Variants in SHROOM1 observed in about 807,000 individuals in gnomAD.
SHROOM1 encodes the protein protein Shroom1.
Under a neutral mutation model 64.2 loss-of-function variants are expected in SHROOM1, and 53 were observed. That is an observed-to-expected ratio of 0.83 (90% confidence interval 0.66 to 1.04). SHROOM1 has a LOEUF of 1.04. SHROOM1 is among the 50% of genes least tolerant of loss of function. SHROOM1 has a pLI of 0.00. For synonymous variants in SHROOM1, 490 were observed against 518.9 expected (o/e 0.94, Z 0.76); for missense variants, 1,179 against 1,163.2 (o/e 1.01, Z -0.20).
Position 132,822,499 on chromosome 5 carries a change from C to A in SHROOM1, c.*297G>T. ...CTGCCTCAGCCTTCCGAGTAGCTGGCAATACAGGCACCCGCCACCACGCCC... is the reference window on the plus strand; with the variant it reads ...CTGCCTCAGCCTTCCGAGTAGCTGGAAATACAGGCACCCGCCACCACGCCC... On this transcript the variant is annotated 3_prime_UTR_variant, in exon 10 of 10. Transcript: ENST00000378679. 3.8e-6 allele frequency: 1 copy of A among 263,678 alleles called. No individual in the cohort carries two copies. The highest frequency in any genetic ancestry group is 7.2e-6 in the Non-Finnish European group (1 of 138,348). The allele number at this position is 263,678 out of a possible 1,614,324, so 16.3% of individuals were successfully genotyped here.
chr5:132,829,140 A>C (rs867062773), intron 1 of SHROOM1, among the ~76,000 whole-genome samples: 6 of 152,180 alleles, frequency 3.9e-5, no homozygotes, highest in South Asian at 4.1e-4. Flanking sequence ...GGAGCAACCT[A>C]GACTCCCCGC....
At chr5:132,829,799 C>T (rs1758796508) in intron 1 of SHROOM1, 2 of 985,360 alleles carry the variant, frequency 2.0e-6, no homozygotes, top group Non-Finnish European at 2.4e-6. Context: ...CTGGGAAGTT[C>T]ACCGGCTCTC....
In SHROOM1 at chr5:132,825,202, AC is replaced by A. The variant is rs753188792; in HGVS notation, c.938del (p.Gly313ValfsTer42). On this transcript the variant is annotated frameshift_variant, in exon 4 of 10. Transcript: ENST00000378679. LOFTEE classifies it high-confidence loss of function. The surrounding 1 kb of genome is among the most constrained non-coding windows in gnomAD (Gnocchi z 5.1). ...TGGTCCCTCCTGATCCTCCCCAGGA[AC>A]CCAAGACTTCGCCTGAAGCGCTCCG... ...RSRSASGEVL[G>X]SWGGSGGTIP... The A allele has an allele frequency of 6.2e-7, 1 of 1,614,074 alleles. No individual in the cohort carries two copies. Among genetic ancestry groups the A allele is most frequent in the South Asian group, 1.1e-5 (1 of 91,076 alleles).
At chr5:132,826,236 C>CT in intron 3 of SHROOM1, 41 bp downstream of exon 3, 3 of 1,261,820 alleles carry the variant, frequency 2.4e-6, no homozygotes, top group Non-Finnish European at 3.0e-6. Flanking sequence ...AGGGCTGGGA[C>CT]AGCCTGCTGG....
rs1002814700 is a variant in SHROOM1, at chr5:132,824,403, G to T, written c.1258C>A (p.Gln420Lys). ...TGGCCTAAGCCAGTTCCATACGGCTGGTCAGAGGCATGGACACTGGAAGCA... is the reference window on the plus strand; with the variant it reads ...TGGCCTAAGCCAGTTCCATACGGCTTGTCAGAGGCATGGACACTGGAAGCA... The part of the protein sequence containing the change: ...GPPASVHASD[Q>K]PYGTGLGQRT... The change falls in exon 7 of 10, where the codon CAG becomes AAG. Residue 420 changes from glutamine to lysine, a missense_variant. Coordinates refer to ENST00000378679, the MANE Select transcript of SHROOM1 (RefSeq NM_001172700.2). The T allele has an allele frequency of 1.3e-6, 2 of 1,545,068 alleles. No individual in the cohort carries two copies. The highest frequency in any genetic ancestry group is 1.4e-5 in the African/African-American group (1 of 72,862).
Position 132,825,836 on chromosome 5 carries a change from C to T in SHROOM1, c.305G>A (p.Gly102Glu). 7.9e-7 allele frequency: 1 copy of T among 1,268,680 alleles called. No individual in the cohort carries two copies. The allele number at this position is 1,268,680 out of a possible 1,614,324, so 78.6% of individuals were successfully genotyped here. A position where few individuals can be genotyped will look rare whatever the true frequency, so the allele number is the denominator to read the frequency against. ...CTGCCTGTTCAGTGGTCCCGGGGTC[C>T]CCGGGACCTCTGTTGGCTGCGGCCC... Reference protein sequence around the residue: ...RSGPQPTEVPGTPGPLNRQAT... With the variant: ...RSGPQPTEVPETPGPLNRQAT... Residue 102 changes from glycine (G) to glutamate (E), a missense_variant, in exon 4 of 10, where the codon GGG becomes GAG. Coordinates refer to ENST00000378679, the MANE Select transcript of SHROOM1 (RefSeq NM_001172700.2). This position sits in a 1 kb window ranked among gnomAD's most constrained non-coding sequence, Gnocchi z 5.1.
In SHROOM1 at chr5:132,825,453, C is replaced by T. The variant is rs768423049; in HGVS notation, c.688G>A (p.Asp230Asn). 10 of 1,580,794 alleles carry T rather than the reference C, an allele frequency of 6.3e-6. 1 individual carries two copies. The South Asian group carries it at 8.9e-5, about 14-fold the overall frequency. The change falls in exon 4 of 10, where the codon GAT (aspartate) becomes AAT (asparagine). Residue 230 changes from aspartate to asparagine, a missense_variant. By Grantham distance (23) the Asp-to-Asn change is conservative. Coordinates refer to ENST00000378679, the MANE Select transcript of SHROOM1 (RefSeq NM_001172700.2). This position sits in a 1 kb window ranked among gnomAD's most constrained non-coding sequence, Gnocchi z 5.1. ...GGCCCACCGCCCCGACCCACACGAT[C>T]CAGCTTTCCTGGCTCTGAGAAGCAC... The part of the protein sequence containing the change: ...KWCFSEPGKL[D>N]RVGRGGGPAR...
In SHROOM1 at chr5:132,825,828, C is replaced by G. The variant is rs1758671288; in HGVS notation, c.313G>C (p.Gly105Arg). Residue 105 changes from glycine (G) to arginine (R), a missense_variant, in exon 4 of 10, where the codon GGA becomes CGA. Coordinates refer to ENST00000378679, the MANE Select transcript of SHROOM1 (RefSeq NM_001172700.2). The surrounding 1 kb of genome is among the most constrained non-coding windows in gnomAD (Gnocchi z 5.1). ...PQPTEVPGTPGPLNRQATPLL... is the reference protein window; with the variant it reads ...PQPTEVPGTPRPLNRQATPLL... ...GGGGTGGCCTGCCTGTTCAGTGGTCCCGGGGTCCCCGGGACCTCTGTTGGC... is the reference window on the plus strand; with the variant it reads ...GGGGTGGCCTGCCTGTTCAGTGGTCGCGGGGTCCCCGGGACCTCTGTTGGC... 7.9e-7 allele frequency: 1 copy of G among 1,262,492 alleles called. No homozygotes were observed. Among genetic ancestry groups the G allele is most frequent in the Admixed American group, 4.2e-5 (1 of 23,682 alleles). 78.2% of individuals were successfully genotyped at this position (1,262,492 alleles called of 1,614,324 possible). A position where few individuals can be genotyped will look rare whatever the true frequency, so the allele number is the denominator to read the frequency against.
chr5:132,822,960 C>T lies in SHROOM1; in HGVS notation c.2395G>A (p.Val799Ile), dbSNP rs1385620180. Residue 799 changes from valine to isoleucine, a missense_variant, in exon 10 of 10, where the codon GTC becomes ATC. Val to Ile is a conservative substitution (Grantham distance 29). Coordinates refer to ENST00000378679, the MANE Select transcript of SHROOM1 (RefSeq NM_001172700.2). ...TCCAGGTTGCGCTGCTGGGCCAGGACGGCGGCCTTGCCCGCCAGCAGGGCG... is the reference window on the plus strand; with the variant it reads ...TCCAGGTTGCGCTGCTGGGCCAGGATGGCGGCCTTGCCCGCCAGCAGGGCG... Reference protein sequence around the residue: ...YCALLAGKAAVLAQQRNLDER... With the variant: ...YCALLAGKAAILAQQRNLDER... 4 of 1,610,944 alleles carry T rather than the reference C, an allele frequency of 2.5e-6. No individual in the cohort carries two copies. The South Asian group carries it at 3.3e-5, about 13-fold the overall frequency.
chr5:132,830,579 G>GC lies in SHROOM1; in HGVS notation c.-501+14dup. 1 of 985,074 alleles carries GC rather than the reference G, an allele frequency of 1.0e-6. No individual in the cohort carries two copies. Among genetic ancestry groups the GC allele is most frequent in the Non-Finnish European group, 1.2e-6 (1 of 829,774 alleles). The allele number at this position is 985,074 out of a possible 1,614,324, so 61.0% of individuals were successfully genotyped here. A position where few individuals can be genotyped will look rare whatever the true frequency, so the allele number is the denominator to read the frequency against. On this transcript the variant is annotated intron_variant, in intron 1 of 9. Coordinates refer to ENST00000378679, the MANE Select transcript of SHROOM1 (RefSeq NM_001172700.2). This position sits in a 1 kb window ranked among gnomAD's most constrained non-coding sequence, Gnocchi z 5.9. ...CCAGCCGCCCGCTTCCCGCTCCCCCGCCCCCGCCGCGTACCTGAGGCTCCC... is the reference window on the plus strand; with the variant it reads ...CCAGCCGCCCGCTTCCCGCTCCCCCGCCCCCCGCCGCGTACCTGAGGCTCCC...
chr5:132,823,506 CG>C lies in SHROOM1; in HGVS notation c.1969del (p.Arg657AlafsTer53), dbSNP rs756352274. The C allele has an allele frequency of 1.9e-5, 31 of 1,600,688 alleles. No individual in the cohort carries two copies. Among genetic ancestry groups the C allele is most frequent in the Admixed American group, 1.7e-5 (1 of 59,630 alleles). ...IQGKKVELAA[R>X]LQKMLQDLHT... is the part of the protein sequence containing the mutation. The stretch of plus-strand genomic sequence containing the variant: ...AAGGTCCTGAAGCATCTTTTGGAGG[CG>C]GGCGGCCAGCTCCACCTACAGGGAA... On this transcript the variant is annotated frameshift_variant, in exon 9 of 10. Transcript: ENST00000378679. LOFTEE classifies it high-confidence loss of function. The surrounding 1 kb of genome is among the most constrained non-coding windows in gnomAD (Gnocchi z 4.6).
chr5:132,825,837 C>CCGGGACGGGTCCT lies in SHROOM1; in HGVS notation c.303_304insAGGACCCGTCCCG (p.Gly102ArgfsTer148). Reference sequence around the variant, plus strand: ...TGCCTGTTCAGTGGTCCCGGGGTCCCCGGGACCTCTGTTGGCTGCGGCCCA... The same window carrying CCGGGACGGGTCCT: ...TGCCTGTTCAGTGGTCCCGGGGTCCCCGGGACGGGTCCTCGGGACCTCTGTTGGCTGCGGCCCA... On this transcript the variant is annotated frameshift_variant, in exon 4 of 10. Transcript: ENST00000378679. LOFTEE classifies it high-confidence loss of function. The surrounding 1 kb of genome is among the most constrained non-coding windows in gnomAD (Gnocchi z 5.1). 1 of 1,269,244 alleles carries CCGGGACGGGTCCT rather than the reference C, an allele frequency of 7.9e-7. No homozygotes were observed. The highest frequency in any genetic ancestry group is 3.2e-5 in the East Asian group (1 of 31,678). 78.6% of individuals were successfully genotyped at this position (1,269,244 alleles called of 1,614,324 possible). A position where few individuals can be genotyped will look rare whatever the true frequency, so the allele number is the denominator to read the frequency against.
chr5:132,823,674 C>T lies in SHROOM1; in HGVS notation c.1902G>A (p.Gln634=). 2 of 1,611,216 alleles carry T rather than the reference C, an allele frequency of 1.2e-6. No individual in the cohort carries two copies. Among genetic ancestry groups the T allele is most frequent in the Non-Finnish European group, 8.5e-7 (1 of 1,178,682 alleles). The change falls in exon 8 of 10, where the codon CAG becomes CAA. Residue 634 remains glutamine, a synonymous_variant. Transcript: ENST00000378679. This position sits in a 1 kb window ranked among gnomAD's most constrained non-coding sequence, Gnocchi z 4.6. ...ENPATHPVLD[Q]PCGQGLPAPN... is the part of the protein sequence containing the mutation. ...GTGCAGGGAGCCCCTGCCCACATGG[C>T]TGGTCAAGCACAGGGTGGGTGGCAG...
Position 132,825,925 on chromosome 5 carries a change from G to GGGGCCC in SHROOM1, c.210_215dup (p.Gly71_Pro72dup), listed in dbSNP as rs1758678027. The stretch of plus-strand genomic sequence containing the variant: ...TGCAAAGGGCAGCGTCGGGCGGGGC[G>GGGGCCC]GGGCCCGGGCCGCCCCAAACCACAC... On this transcript the variant is annotated inframe_insertion, in exon 4 of 10. Coordinates refer to ENST00000378679, the MANE Select transcript of SHROOM1 (RefSeq NM_001172700.2). This position sits in a 1 kb window ranked among gnomAD's most constrained non-coding sequence, Gnocchi z 5.1. 1.5e-6 allele frequency: 2 copies of GGGGCCC among 1,374,126 alleles called. No homozygotes were observed. The highest frequency in any genetic ancestry group is 7.3e-5 in the Admixed American group (2 of 27,552). The allele number at this position is 1,374,126 out of a possible 1,614,324, so 85.1% of individuals were successfully genotyped here.
chr5:132,825,419 T>C lies in SHROOM1; in HGVS notation c.722A>G (p.Glu241Gly). 6.3e-7 allele frequency: 1 copy of C among 1,593,138 alleles called. No individual in the cohort carries two copies. The highest frequency in any genetic ancestry group is 8.5e-7 in the Non-Finnish European group (1 of 1,176,606). ...RVGRGGGPAR[E>G]CLGEACSSSG... is the part of the protein sequence containing the mutation. ...GCTGGAGCAGGCCTCACCCAGGCAT[T>C]CCCGCGCCGGCCCACCGCCCCGACC... Residue 241 changes from glutamate to glycine, a missense_variant, in exon 4 of 10, where the codon GAA becomes GGA. Transcript: ENST00000378679. This position sits in a 1 kb window ranked among gnomAD's most constrained non-coding sequence, Gnocchi z 5.1.
At chr5:132,827,863 C>G (rs1490239511) in intron 1 of SHROOM1, among the ~76,000 whole-genome samples, 1 of 152,144 alleles carries the variant, frequency 6.6e-6, no homozygotes, top group Non-Finnish European at 1.5e-5. Context: ...ACGAACAGAG[C>G]AGGCAAGCAC....
chr5:132,829,093 C>T (rs1395960342), intron 1 of SHROOM1, among the ~76,000 whole-genome samples: 1 of 152,204 alleles, frequency 6.6e-6, no homozygotes, highest in Admixed American at 6.5e-5. Context: ...GCTCAAGGAG[C>T]TCTGCAGGCA....
intron 1 of SHROOM1, chr5:132,829,655 G>C: frequency 2.0e-6 from 2 of 985,404 alleles, no homozygotes; most frequent in Non-Finnish European, 1.2e-6. Flanking sequence ...TATCCAGGCC[G>C]CCCCTCCCAG....
rs564520075 is a variant in SHROOM1, at chr5:132,830,359, C to T, written c.-501+235G>A. Reference sequence around the variant, plus strand: ...AGCCGCGCCGCCAGCTTAGAGTGGGCCGCCTCTCCGCCCTGCAGCTCTGCA... The same window carrying T: ...AGCCGCGCCGCCAGCTTAGAGTGGGTCGCCTCTCCGCCCTGCAGCTCTGCA... On this transcript the variant is annotated intron_variant, in intron 1 of 9. Transcript: ENST00000378679. The surrounding 1 kb of genome is among the most constrained non-coding windows in gnomAD (Gnocchi z 5.9). 3 of 985,052 alleles carry T rather than the reference C, an allele frequency of 3.0e-6. No homozygotes were observed. The South Asian group carries it at 1.4e-4, about 46-fold the overall frequency. The allele number at this position is 985,052 out of a possible 1,614,324, so 61.0% of individuals were successfully genotyped here.
Sources: gnomAD v4.1 joint callset for allele counts (sites outside exome capture counted in the v4.1 genomes callset) on GRCh38, gnomAD v4.1.1 for gene constraint, Gnocchi (gnomAD v3.1) non-coding constraint, MANE v1.5 for transcripts, NCBI Gene and HGNC (gene_info 2026-07-23, HGNC 2026-07-21) for gene names.